FHOD3: variants seen among roughly 807,000 people sequenced by gnomAD.
FHOD3 encodes FH1/FH2 domain-containing protein 3.
A neutral mutation model predicts 173.0 loss-of-function variants in FHOD3; 90 were observed. That is an observed-to-expected ratio of 0.52 (90% CI 0.44 to 0.62). The LOEUF (loss-of-function observed/expected upper bound fraction) is 0.62. Among genes scored for constraint, FHOD3 ranks in the 20% least tolerant of loss-of-function variants. The pLI, the probability that FHOD3 is intolerant of heterozygous loss-of-function variation, is 0.00. For synonymous variants in FHOD3, 828 were observed against 823.0 expected (o/e 1.01, Z -0.10); for missense variants, 1,945 against 2,034.7 (o/e 0.96, Z 0.85).
chr18:36,331,467 G>A (rs1350330988), intron 1 of FHOD3, among the ~76,000 whole-genome samples: 1 of 152,254 alleles, frequency 6.6e-6, no homozygotes, highest in Non-Finnish European at 1.5e-5. Flanking sequence ...ATTAGGGGCA[G>A]TTCTTCTGCT....
intron 9 of FHOD3, among the ~76,000 whole-genome samples, chr18:36,623,233 G>T (rs1370300105): frequency 6.6e-6 from 1 of 152,210 alleles, no homozygotes; most frequent in African/African-American, 2.4e-5. Flanking sequence ...AAGGACTTGT[G>T]AGTAGAACGT....
At chr18:36,652,440 C>T in intron 11 of FHOD3, 130 bp from the exon 12 acceptor site, 1 of 1,186,524 alleles carries the variant, frequency 8.4e-7, no homozygotes, top group South Asian at 1.6e-5. Flanking sequence ...TCAAGAAACA[C>T]AGCTTGACTT....
intron 5 of FHOD3, among the ~76,000 whole-genome samples, chr18:36,563,122 T>C (rs139383520): frequency 1.1e-3 from 165 of 152,284 alleles, no homozygotes; most frequent in African/African-American, 3.8e-3. Flanking sequence ...AAATTGAGGG[T>C]TTTTAAAGTT....
intron 5 of FHOD3, among the ~76,000 whole-genome samples, chr18:36,557,838 T>C (rs960190968): frequency 6.6e-6 from 1 of 152,250 alleles, no homozygotes; most frequent in African/African-American, 2.4e-5. Context: ...GTCACATTTG[T>C]TCTAAGGCCC....
intron 5 of FHOD3, among the ~76,000 whole-genome samples, chr18:36,537,414 C>CT (rs1300195827): frequency 1.3e-5 from 2 of 152,170 alleles, no homozygotes; most frequent in African/African-American, 4.8e-5. Flanking sequence ...TCATTCCTGT[C>CT]TGGTGGTAAG....
rs148422896 is a variant in FHOD3 at position 36,740,741 on chromosome 18, G to A, written c.3662G>A (p.Ser1221Asn). Residue 1221 changes from serine (S) to asparagine (N), a missense_variant, in exon 21 of 29, where the codon AGT (serine) becomes AAT (asparagine). Physicochemically the swap from Ser to Asn is conservative, Grantham distance 46 (BLOSUM62 1). Coordinates refer to ENST00000590592, the MANE Select transcript of FHOD3 (RefSeq NM_001281740.3). The stretch of plus-strand genomic sequence containing the variant: ...GCCAACCCTGAAATCCCCCTGGGCA[G>A]TGCAGAGCAGTTCCTCCTCACCCTG... Reference protein sequence around the residue: ...QLANPEIPLGSAEQFLLTLSS... With the variant: ...QLANPEIPLGNAEQFLLTLSS... The A allele has an allele frequency of 9.1e-4, 1,474 of 1,614,068 alleles. 1 individual carries two copies. The highest frequency in any genetic ancestry group is 1.2e-3 in the Non-Finnish European group (1,380 of 1,180,018).
At chr18:36,383,272 G>T (rs897235387) in intron 3 of FHOD3, among the ~76,000 whole-genome samples, 2 of 152,172 alleles carry the variant, frequency 1.3e-5, no homozygotes, top group East Asian at 1.9e-4. Flanking sequence ...AAGCAGAGTT[G>T]GTGCTGTCCT....
Position 36,382,245 on chromosome 18 carries a change from G to A in FHOD3, c.337+9501G>A, listed in dbSNP as rs79523080. ...AAGTTGATGGCAGACTTTGATGAGC[G>A]AATGAAGAAGAGGTGGGTTCTTCAT... On this transcript the variant is annotated intron_variant, in intron 3 of 28. Coordinates refer to ENST00000590592, the MANE Select transcript of FHOD3 (RefSeq NM_001281740.3). Among the ~76,000 whole-genome samples, 829 of 152,290 alleles carry A rather than the reference G, an allele frequency of 5.4e-3. 3 individuals are homozygous for A. The highest frequency in any genetic ancestry group is 0.024 in the Middle Eastern group (7 of 294).
chr18:36,449,286 A>G (rs1297535022), intron 3 of FHOD3, among the ~76,000 whole-genome samples: 1 of 150,342 alleles, frequency 6.7e-6, no homozygotes, highest in Non-Finnish European at 1.5e-5. Context: ...TGTTTTAAAT[A>G]TTTGTTATTC....
chr18:36,371,847 C>G (rs892457105), intron 2 of FHOD3, among the ~76,000 whole-genome samples: 2 of 152,126 alleles, frequency 1.3e-5, no homozygotes, highest in Non-Finnish European at 2.9e-5. Context: ...TTCCAAGAGC[C>G]CTGCCACACT....
intron 1 of FHOD3, among the ~76,000 whole-genome samples, chr18:36,334,949 C>G (rs1040438905): frequency 6.6e-6 from 1 of 152,180 alleles, no homozygotes; most frequent in Non-Finnish European, 1.5e-5. Context: ...CAGGGGCCAC[C>G]TTCAGCCCAG....
chr18:36,736,543 A>G (rs1249207800), intron 20 of FHOD3, among the ~76,000 whole-genome samples: 1 of 152,176 alleles, frequency 6.6e-6, no homozygotes, highest in Non-Finnish European at 1.5e-5. Flanking sequence ...TGGGAAAGTA[A>G]TCTTCCCCCA....
intron 3 of FHOD3, among the ~76,000 whole-genome samples, chr18:36,418,333 T>G (rs1352132808): frequency 6.6e-6 from 1 of 152,182 alleles, no homozygotes; most frequent in Non-Finnish European, 1.5e-5. Flanking sequence ...AAGTGAAGAT[T>G]TAGGGGTGGA....
chr18:36,658,053 C>T, intron 13 of FHOD3, 22 bp from the exon 14 acceptor site: 2 of 1,551,312 alleles, frequency 1.3e-6, no homozygotes, highest in African/African-American at 2.7e-5. Flanking sequence ...TTCCCCCCAA[C>T]TTAAACCTCT....
intron 25 of FHOD3, 22 bp from the exon 26 acceptor site, chr18:36,759,096 C>A (rs1174303829): frequency 6.5e-7 from 1 of 1,535,798 alleles, no homozygotes. Flanking sequence ...TCCGTCCTGT[C>A]CTGTCCTGTC....
At chr18:36,694,976 G>GGTGTGTGTGT (rs34946996) in intron 17 of FHOD3, among the ~76,000 whole-genome samples, 2 of 149,144 alleles carry the variant, frequency 1.3e-5, no homozygotes, top group African/African-American at 4.9e-5. Context: ...TGTATACGTG[G>GGTGTGTGTGT]GTGTGTGTGT....
chr18:36,659,990 C>T (rs1028658241), intron 14 of FHOD3, among the ~76,000 whole-genome samples: 2 of 152,038 alleles, frequency 1.3e-5, no homozygotes, highest in African/African-American at 4.8e-5. Flanking sequence ...GATCCCAGAG[C>T]CTGGGCGCGG....
intron 15 of FHOD3, among the ~76,000 whole-genome samples, chr18:36,686,248 A>G (rs2187035): frequency 0.025 from 3,838 of 152,200 alleles, 169 homozygotes; most frequent in African/African-American, 0.088. Flanking sequence ...TATGGTACAT[A>G]TACACCATGG....
At chr18:36,504,506 A>G (rs1476937921) in intron 4 of FHOD3, among the ~76,000 whole-genome samples, 1 of 149,168 alleles carries the variant, frequency 6.7e-6, no homozygotes, top group Non-Finnish European at 1.5e-5. Flanking sequence ...AAAACCAAAC[A>G]CTGCATGTTC....
Sources: allele counts gnomAD v4.1 joint callset (sites outside exome capture counted in the v4.1 genomes callset), GRCh38; gene constraint gnomAD v4.1.1; transcripts MANE v1.5; gene names NCBI Gene and HGNC (gene_info 2026-07-23, HGNC 2026-07-21).